Variants in SPINK5 observed in about 807,000 individuals in gnomAD.
The protein encoded by SPINK5 is serine peptidase inhibitor Kazal type 5.
A neutral mutation model predicts 151.8 loss-of-function variants in SPINK5; 125 were observed. The observed-to-expected ratio is 0.82, with a 90% CI of 0.71 to 0.96. The LOEUF is 0.96. Among genes scored for constraint, SPINK5 ranks in the 40% least tolerant of loss-of-function variants. SPINK5 has a pLI of 0.00. For synonymous variants in SPINK5, 374 were observed against 395.3 expected (o/e 0.95, Z 0.64); for missense variants, 1,194 against 1,291.9 (o/e 0.92, Z 1.16).
chr5:148,118,095 C>T (rs1198273972), intron 22 of SPINK5, among the ~76,000 whole-genome samples: 8 of 152,010 alleles, frequency 5.3e-5, no homozygotes, highest in South Asian at 2.1e-4. Context: ...CTTGGCTCAC[C>T]GCAACTTCTG....
chr5:148,101,203 G>A, intron 13 of SPINK5, 152 bp from the exon 14 acceptor site: 1 of 655,162 alleles, frequency 1.5e-6, no homozygotes, highest in Middle Eastern at 4.2e-4. Flanking sequence ...TAATGCAATT[G>A]TGAGGATTTC....
chr5:148,093,181 A>G lies in SPINK5; in HGVS notation c.667-1173A>G, dbSNP rs553690339. ...ATTATAGTACTATATCTCACCACAA[A>G]ATGTTTAATGACATAGAGATCCCCA... On this transcript the variant is annotated intron_variant, in intron 8 of 32. Transcript: ENST00000256084. 5.9e-5 allele frequency among the ~76,000 whole-genome samples: 9 copies of G among 152,076 alleles called. No individual in the cohort carries two copies. In the South Asian group the frequency reaches 1.5e-3, roughly 25 times the overall value.
Position 148,125,797 on chromosome 5 carries a change from C to T in SPINK5, c.2814C>T (p.His938=), listed in dbSNP as rs778903335. ...LICPRENDPV[H]GADGKFYTNK... ...GCCCTAGAGAGAATGACCCAGTGCA[C>T]GGTGCTGATGGAAAGTTCTATACAA... The change falls in exon 29 of 33, where the codon CAC becomes CAT. Residue 938 remains histidine, a synonymous_variant. Transcript: ENST00000256084. 10 of 1,614,062 alleles carry T rather than the reference C, an allele frequency of 6.2e-6. No homozygotes were observed. Among genetic ancestry groups the T allele is most frequent in the East Asian group, 2.2e-5 (1 of 44,894 alleles).
At position 148,103,759 on chromosome 5, in the gene SPINK5, G is replaced by A. The variant is rs189546062; in HGVS notation, c.1431-1193G>A. On this transcript the variant is annotated intron_variant, in intron 15 of 32. Coordinates refer to ENST00000256084, the MANE Select transcript of SPINK5 (RefSeq NM_006846.4). ...AGAATTATTCTACCCTCCATAGTTA[G>A]TTTTTGCACACTTTCATACCATGTG... Among the ~76,000 whole-genome samples the A allele has an allele frequency of 3.9e-5, 6 of 152,154 alleles. No homozygotes were observed. The East Asian group carries it at 1.2e-3, about 29-fold the overall frequency.
At chr5:148,098,958 C>A (rs576804409) in intron 11 of SPINK5, among the ~76,000 whole-genome samples, 2 of 152,006 alleles carry the variant, frequency 1.3e-5, no homozygotes, top group East Asian at 1.9e-4. Flanking sequence ...GATCATGCTC[C>A]TTTTCTTACT....
At chr5:148,112,692 A>C (rs1414704307) in intron 19 of SPINK5, among the ~76,000 whole-genome samples, 176 bp from the exon 20 acceptor site, 1 of 151,860 alleles carries the variant, frequency 6.6e-6, no homozygotes, top group African/African-American at 2.4e-5. Flanking sequence ...CAAAAAACAA[A>C]CAAACAAAAG....
rs554634510 is a variant in SPINK5 at position 148,120,337 on chromosome 5, C to CAGGAGCAATACAGGAGAA, written c.2512_2529dup (p.Thr838_Asn843dup). The CAGGAGCAATACAGGAGAA allele has an allele frequency of 2.1e-5, 33 of 1,604,304 alleles. No homozygotes were observed. The East Asian group carries it at 4.3e-4, about 21-fold the overall frequency. On this transcript the variant is annotated inframe_insertion, in exon 26 of 33. Transcript: ENST00000256084. The stretch of plus-strand genomic sequence containing the variant: ...AAAAAAAAAAGAAAGAGGATGAAGA[C>CAGGAGCAATACAGGAGAA]AGGAGCAATACAGGAGAAAGGAGCA...
At chr5:148,079,252 C>T (rs1015243334) in intron 4 of SPINK5, among the ~76,000 whole-genome samples, 11 of 150,944 alleles carry the variant, frequency 7.3e-5, no homozygotes, top group Non-Finnish European at 1.2e-4. Flanking sequence ...AATAGACTTA[C>T]AGCATAAGTA....
chr5:148,128,677 C>T lies in SPINK5; in HGVS notation c.2964+1598C>T, dbSNP rs1241023688. 2.0e-5 allele frequency among the ~76,000 whole-genome samples: 3 copies of T among 152,058 alleles called. 1 individual carries two copies. The highest frequency in any genetic ancestry group is 7.2e-5 in the African/African-American group (3 of 41,394). ...CCGAGTAGCTGGGACTACAGGTGCC[C>T]GCCACCACGCTAATTTTTTGTATTT... On this transcript the variant is annotated intron_variant, in intron 30 of 32. Coordinates refer to ENST00000256084, the MANE Select transcript of SPINK5 (RefSeq NM_006846.4).
chr5:148,137,019 A>G lies in SPINK5; in HGVS notation c.*28A>G. The G allele has an allele frequency of 1.2e-6, 2 of 1,613,264 alleles. No homozygotes were observed. Among genetic ancestry groups the G allele is most frequent in the Non-Finnish European group, 1.7e-6 (2 of 1,179,348 alleles). ...GGAAGATTGTTGAAAGCCATGAGGG[A>G]AAAAATAAACCCCAGTTCTGAATCA... On this transcript the variant is annotated 3_prime_UTR_variant, in exon 33 of 33. Transcript: ENST00000256084.
chr5:148,105,130 ACCTG>A, intron 16 of SPINK5, 130 bp downstream of exon 16: 1 of 1,053,422 alleles, frequency 9.5e-7, no homozygotes, highest in Non-Finnish European at 1.4e-6. Flanking sequence ...AACATTTTTA[ACCTG>A]AACAAAAAGG....
At chr5:148,113,067 C>A in intron 20 of SPINK5, 133 bp downstream of exon 20, 1 of 1,432,972 alleles carries the variant, frequency 7.0e-7, no homozygotes, top group Non-Finnish European at 9.4e-7. Context: ...GGTTGAGAAA[C>A]TTTTTCTTAA....
chr5:148,065,971 A>G (rs1188317975), intron 2 of SPINK5, among the ~76,000 whole-genome samples: 1 of 152,206 alleles, frequency 6.6e-6, no homozygotes, highest in Admixed American at 6.5e-5. Flanking sequence ...ACGTTAAATA[A>G]TGATAAATGC....
At chr5:148,087,814 C>A (rs1000397380) in intron 5 of SPINK5, among the ~76,000 whole-genome samples, 1 of 151,810 alleles carries the variant, frequency 6.6e-6, no homozygotes, top group Non-Finnish European at 1.5e-5. Context: ...GTTTCCCTTG[C>A]AGCTCTAGCT....
chr5:148,089,267 C>A, intron 6 of SPINK5: 1 of 600,720 alleles, frequency 1.7e-6, no homozygotes, highest in African/African-American at 1.8e-5. Flanking sequence ...TGAGTTCTGG[C>A]ACATAGTAGG....
At chr5:148,103,377 G>A (rs1345638849) in intron 15 of SPINK5, among the ~76,000 whole-genome samples, 1 of 152,268 alleles carries the variant, frequency 6.6e-6, no homozygotes, top group East Asian at 1.9e-4. Context: ...AAAAGTTAAT[G>A]TATTTCTTGT....
At chr5:148,101,461 C>CA in intron 14 of SPINK5, 25 bp downstream of exon 14, 1 of 1,539,760 alleles carries the variant, frequency 6.5e-7, no homozygotes, top group Non-Finnish European at 9.0e-7. Flanking sequence ...TCCAGCAACT[C>CA]AGAGGGATAT....
chr5:148,123,035 C>T (rs1399591619), intron 26 of SPINK5, among the ~76,000 whole-genome samples: 2 of 151,668 alleles, frequency 1.3e-5, no homozygotes, highest in African/African-American at 2.4e-5. Context: ...TGGGGCTCTG[C>T]CTCATAGAAA....
intron 26 of SPINK5, among the ~76,000 whole-genome samples, chr5:148,120,915 C>T (rs557228400): frequency 4.6e-5 from 7 of 151,862 alleles, no homozygotes; most frequent in South Asian, 2.1e-4. Flanking sequence ...GAAGCTGAGG[C>T]GGGCAGATCA....
Sources: gnomAD v4.1 joint callset for allele counts (sites outside exome capture counted in the v4.1 genomes callset) on GRCh38, gnomAD v4.1.1 for gene constraint, MANE v1.5 for transcripts, NCBI Gene and HGNC (gene_info 2026-07-23, HGNC 2026-07-21) for gene names.